The following CNTNAP5 variants were observed in gnomAD, a reference collection of about 807,000 sequenced individuals.
CNTNAP5 encodes the protein contactin-associated protein-like 5.
A neutral mutation model predicts 150.2 loss-of-function variants in CNTNAP5; 72 were observed. That is an observed-to-expected ratio of 0.48 (90% CI 0.40 to 0.58). The LOEUF (loss-of-function observed/expected upper bound fraction) is 0.58, where lower values mean the gene tolerates loss of function less well. Among genes scored for constraint, CNTNAP5 ranks in the 20% least tolerant of loss-of-function variants. The pLI is 0.00. For synonymous variants in CNTNAP5, 672 were observed against 619.8 expected (o/e 1.08, Z -1.25); for missense variants, 1,636 against 1,626.2 (o/e 1.01, Z -0.10).
At chr2:124,341,800 T>C (rs955782604) in intron 3 of CNTNAP5, among the ~76,000 whole-genome samples, 34 of 152,150 alleles carry the variant, frequency 2.2e-4, no homozygotes, top group African/African-American at 7.2e-4. Flanking sequence ...TTTTCTGGAT[T>C]GTAGTTTGCG....
At chr2:124,271,829 C>T (rs1226701891) in intron 3 of CNTNAP5, among the ~76,000 whole-genome samples, 4 of 152,096 alleles carry the variant, frequency 2.6e-5, no homozygotes, top group Admixed American at 6.6e-5. Context: ...ATTCTCCTGC[C>T]TCAGCCTCTT....
intron 19 of CNTNAP5, among the ~76,000 whole-genome samples, chr2:124,810,725 A>G (rs1038510458): frequency 7.2e-5 from 11 of 152,164 alleles, no homozygotes; most frequent in African/African-American, 2.7e-4. Flanking sequence ...GCAGCTATGC[A>G]GAAGGCACAG....
intron 19 of CNTNAP5, among the ~76,000 whole-genome samples, chr2:124,857,200 A>AT (rs201466707): frequency 2.5e-4 from 38 of 151,180 alleles, no homozygotes; most frequent in Admixed American, 7.9e-4. Context: ...GCAGCTCTAC[A>AT]TTTTTTTTTC....
chr2:124,477,916 A>G (rs1298757640), intron 7 of CNTNAP5, among the ~76,000 whole-genome samples: 1 of 152,078 alleles, frequency 6.6e-6, no homozygotes, highest in Non-Finnish European at 1.5e-5. Context: ...GTGGCAGAGC[A>G]AAGTGAAACA....
At chr2:124,414,027 G>A (rs942430603) in intron 3 of CNTNAP5, among the ~76,000 whole-genome samples, 12 of 151,734 alleles carry the variant, frequency 7.9e-5, no homozygotes, top group Admixed American at 1.3e-4. Flanking sequence ...GTATGTCAAA[G>A]TGCCATATTT....
chr2:124,477,949 G>T (rs1296301275), intron 7 of CNTNAP5, among the ~76,000 whole-genome samples: 1 of 151,936 alleles, frequency 6.6e-6, no homozygotes, highest in Non-Finnish European at 1.5e-5. Flanking sequence ...TAAAAACATT[G>T]CACACTCATT....
rs1678721785 is a variant in CNTNAP5 at position 124,914,464 on chromosome 2, C to A, written c.*176C>A. 1.7e-6 allele frequency: 1 copy of A among 594,710 alleles called. No individual in the cohort carries two copies. The highest frequency in any genetic ancestry group is 3.0e-6 in the Non-Finnish European group (1 of 331,250). 36.8% of individuals were successfully genotyped at this position (594,710 alleles called of 1,614,324 possible). ...CCTTGATCCAGCCCAAGAGACCAGGCAGCCATGGCCACTGCCTTCCTCTCT... is the reference window on the plus strand; with the variant it reads ...CCTTGATCCAGCCCAAGAGACCAGGAAGCCATGGCCACTGCCTTCCTCTCT... On this transcript the variant is annotated 3_prime_UTR_variant, in exon 24 of 24. Transcript: ENST00000682447.
intron 1 of CNTNAP5, among the ~76,000 whole-genome samples, chr2:124,064,365 G>A (rs2104656887): frequency 6.6e-6 from 1 of 152,166 alleles, no homozygotes; most frequent in South Asian, 2.1e-4. Flanking sequence ...TTCAGACAAG[G>A]ATCCATTGCC....
intron 1 of CNTNAP5, among the ~76,000 whole-genome samples, chr2:124,142,433 A>G (rs1362803684): frequency 4.0e-5 from 6 of 151,880 alleles, no homozygotes; most frequent in African/African-American, 1.5e-4. Flanking sequence ...AATTATAACA[A>G]ACTATCTCTC....
intron 13 of CNTNAP5, among the ~76,000 whole-genome samples, chr2:124,651,209 T>G (rs879606287): frequency 2.6e-5 from 4 of 152,236 alleles, no homozygotes; most frequent in Non-Finnish European, 5.9e-5. Flanking sequence ...CTACTGGCTA[T>G]TGCTAACTAG....
intron 3 of CNTNAP5, among the ~76,000 whole-genome samples, chr2:124,368,072 C>A (rs960647313): frequency 3.9e-5 from 6 of 152,098 alleles, no homozygotes; most frequent in African/African-American, 1.2e-4. Flanking sequence ...AGTAAGGTTG[C>A]AAATGCTGGT....
intron 3 of CNTNAP5, among the ~76,000 whole-genome samples, chr2:124,359,287 T>C (rs2104712326): frequency 6.6e-6 from 1 of 151,170 alleles, no homozygotes; most frequent in African/African-American, 2.4e-5. Context: ...TGAAGGGTTT[T>C]TTGTGTCTCT....
intron 16 of CNTNAP5, among the ~76,000 whole-genome samples, chr2:124,768,634 A>C (rs1247240996): frequency 1.3e-5 from 2 of 152,248 alleles, no homozygotes; most frequent in South Asian, 4.1e-4. Context: ...ACGGGTAGGC[A>C]GGATGAACCT....
chr2:124,461,625 T>C (rs1693256325), intron 6 of CNTNAP5, among the ~76,000 whole-genome samples: 2 of 151,672 alleles, frequency 1.3e-5, no homozygotes, highest in Middle Eastern at 3.4e-3. Context: ...CATGTATACA[T>C]ATATAACTAA....
chr2:124,026,562 T>G (rs1264540890), intron 1 of CNTNAP5, among the ~76,000 whole-genome samples: 2 of 152,212 alleles, frequency 1.3e-5, no homozygotes, highest in African/African-American at 4.8e-5. Context: ...TATGAGAGGT[T>G]CAGGCTCAAT....
intron 13 of CNTNAP5, among the ~76,000 whole-genome samples, chr2:124,701,782 T>A (rs1289792529): frequency 6.6e-6 from 1 of 152,174 alleles, no homozygotes; most frequent in Admixed American, 6.6e-5. Context: ...TGAGCACCTT[T>A]ACATATGCCT....
chr2:124,842,074 A>G (rs1410904506), intron 19 of CNTNAP5, among the ~76,000 whole-genome samples: 1 of 152,168 alleles, frequency 6.6e-6, no homozygotes, highest in Non-Finnish European at 1.5e-5. Flanking sequence ...TAAAAAGTGA[A>G]CATAAAATTT....
At chr2:124,260,178 A>C (rs78453399) in intron 3 of CNTNAP5, among the ~76,000 whole-genome samples, 11,714 of 152,194 alleles carry the variant, frequency 0.077, 616 homozygotes, top group Non-Finnish European at 0.12. Flanking sequence ...AGATATAGAC[A>C]AATGGAACAG....
rs573935760 is a variant in CNTNAP5, at chr2:124,533,806, G to A, written c.1649+6350G>A. Among the ~76,000 whole-genome samples, 62 of 152,298 alleles carry A rather than the reference G, an allele frequency of 4.1e-4. No individual in the cohort carries two copies. The Middle Eastern group carries it at 0.014, about 33-fold the overall frequency. On this transcript the variant is annotated intron_variant, in intron 10 of 23. Transcript: ENST00000682447. ...ATCAGATCCTCTGGCACGCCTCAGT[G>A]AGGAGTATTTCGGCTGGAGGAAAGT...
Sources: gnomAD v4.1 joint callset for allele counts (sites outside exome capture counted in the v4.1 genomes callset) on GRCh38, gnomAD v4.1.1 for gene constraint, MANE v1.5 for transcripts, NCBI Gene and HGNC (gene_info 2026-07-23, HGNC 2026-07-21) for gene names.